The following NTNG2 variants were observed in gnomAD, a reference collection of about 807,000 sequenced individuals.
NTNG2 encodes the protein netrin-G2.
Under a neutral mutation model 47.6 loss-of-function variants are expected in NTNG2, and 15 were observed. That is an observed-to-expected ratio of 0.32 (90% CI 0.21 to 0.49). The LOEUF is 0.49. Among genes scored for constraint, NTNG2 ranks in the 20% least tolerant of loss-of-function variants. NTNG2 has a pLI of 0.99. For synonymous variants in NTNG2, 307 were observed against 324.6 expected (o/e 0.95, Z 0.58); for missense variants, 578 against 764.6 (o/e 0.76, Z 2.88).
intron 3 of NTNG2, among the ~76,000 whole-genome samples, chr9:132,210,675 G>A (rs10120195): frequency 0.088 from 13,329 of 152,208 alleles, 1,722 homozygotes; most frequent in African/African-American, 0.28. Context: ...CACCAGCTGC[G>A]ATTGGGCAGG....
In NTNG2 at chr9:132,244,287, G is replaced by A. The variant is rs1043611989; in HGVS notation, c.*2176G>A. On this transcript the variant is annotated 3_prime_UTR_variant, in exon 8 of 8. Transcript: ENST00000393229. ...AGGATAGTGAAGGGTGGAGCCGGGG[G>A]TGGAAGTTGCAGAGCCTGGGACACC... 3.9e-5 allele frequency: 6 copies of A among 152,232 alleles called. No homozygotes were observed. Among genetic ancestry groups the A allele is most frequent in the African/African-American group, 1.4e-4 (6 of 41,414 alleles). 9.4% of individuals were successfully genotyped at this position (152,232 alleles called of 1,614,324 possible).
chr9:132,198,525 G>C lies in NTNG2; in HGVS notation c.773G>C (p.Arg258Pro), dbSNP rs773543893. The part of the protein sequence containing the change: ...TLTDLRMRLL[R>P]PALGGTYVQR... Reference sequence around the variant, plus strand: ...ACCGACCTGCGCATGCGGCTGCTGCGCCCGGCGCTGGGCGGCACCTATGTG... The same window carrying C: ...ACCGACCTGCGCATGCGGCTGCTGCCCCCGGCGCTGGGCGGCACCTATGTG... The change falls in exon 3 of 8, where the codon CGC becomes CCC. Residue 258 changes from arginine (R) to proline (P), a missense_variant. Physicochemically the swap from Arg to Pro is moderately radical, Grantham distance 103. Coordinates refer to ENST00000393229, the MANE Select transcript of NTNG2 (RefSeq NM_032536.4). The C allele has an allele frequency of 6.2e-7, 1 of 1,612,966 alleles. No homozygotes were observed. Among genetic ancestry groups the C allele is most frequent in the African/African-American group, 1.3e-5 (1 of 74,940 alleles).
At position 132,180,427 on chromosome 9, in the gene NTNG2, A is replaced by C. The variant is rs10116759; in HGVS notation, c.213+13383A>C. Among the ~76,000 whole-genome samples the C allele has an allele frequency of 0.24, 36,008 of 152,128 alleles. 4,475 individuals carry two copies. Among genetic ancestry groups the C allele is most frequent in the African/African-American group, 0.3 (12,359 of 41,504 alleles). On this transcript the variant is annotated intron_variant, in intron 2 of 7. Transcript: ENST00000393229. The surrounding 1 kb of genome is among the most constrained non-coding windows in gnomAD (Gnocchi z 4.2). ...GTGGCAGCAAGTGGAGAAGGCTGTT[A>C]ATCCAGAACGCACCTTGTCTCTGCC...
chr9:132,202,420 C>T lies in NTNG2; in HGVS notation c.857+3811C>T, dbSNP rs556033664. Among the ~76,000 whole-genome samples the T allele has an allele frequency of 1.4e-4, 22 of 152,266 alleles. No homozygotes were observed. In the South Asian group the frequency reaches 3.7e-3, roughly 26 times the overall value. On this transcript the variant is annotated intron_variant, in intron 3 of 7. Coordinates refer to ENST00000393229, the MANE Select transcript of NTNG2 (RefSeq NM_032536.4). Reference sequence around the variant, plus strand: ...GCCCCACAGGGGGCAGGTGGGCTGCCGGTGGCTCTGAGAGAAGCACAGGCA... The same window carrying T: ...GCCCCACAGGGGGCAGGTGGGCTGCTGGTGGCTCTGAGAGAAGCACAGGCA...
At chr9:132,206,272 G>A (rs1017402467) in intron 3 of NTNG2, among the ~76,000 whole-genome samples, 11 of 152,216 alleles carry the variant, frequency 7.2e-5, no homozygotes, top group Non-Finnish European at 1.3e-4. Flanking sequence ...CAGTTGGTGA[G>A]AGCCCCTAGT....
At chr9:132,210,220 T>G (rs1839490200) in intron 3 of NTNG2, among the ~76,000 whole-genome samples, 1 of 152,096 alleles carries the variant, frequency 6.6e-6, no homozygotes, top group Non-Finnish European at 1.5e-5. Context: ...GCAAGTCTCT[T>G]CCATTTCTCC....
chr9:132,212,810 T>C (rs1158772743), intron 3 of NTNG2, among the ~76,000 whole-genome samples: 1 of 152,176 alleles, frequency 6.6e-6, no homozygotes, highest in East Asian at 1.9e-4. Flanking sequence ...TGTCCCCTGG[T>C]CACTTGTCAC....
chr9:132,184,999 A>T (rs991731966), intron 2 of NTNG2, among the ~76,000 whole-genome samples: 1 of 152,130 alleles, frequency 6.6e-6, no homozygotes, highest in Non-Finnish European at 1.5e-5. Flanking sequence ...TGGACTTAAG[A>T]AGGGGAAGGC....
Position 132,244,186 on chromosome 9 carries a change from T to C in NTNG2, c.*2075T>C, listed in dbSNP as rs1842138408. 1 of 152,088 alleles carries C rather than the reference T, an allele frequency of 6.6e-6. No homozygotes were observed. Among genetic ancestry groups the C allele is most frequent in the Non-Finnish European group, 1.5e-5 (1 of 68,028 alleles). 9.4% of individuals were successfully genotyped at this position (152,088 alleles called of 1,614,324 possible). On this transcript the variant is annotated 3_prime_UTR_variant, in exon 8 of 8. Coordinates refer to ENST00000393229, the MANE Select transcript of NTNG2 (RefSeq NM_032536.4). ...TTGTGGCTCTGGTTTTTCTCTCTCA[T>C]CCCTCCCTCTGCTCTTCAGTCAGCA...
intron 2 of NTNG2, among the ~76,000 whole-genome samples, chr9:132,195,616 C>T (rs1178916308): frequency 1.5e-4 from 22 of 151,690 alleles, no homozygotes; most frequent in Admixed American, 1.4e-3. Context: ...CGTGAGCCAC[C>T]GCGCCTGGCC....
At chr9:132,202,755 A>G (rs1838871898) in intron 3 of NTNG2, among the ~76,000 whole-genome samples, 1 of 152,134 alleles carries the variant, frequency 6.6e-6, no homozygotes, top group African/African-American at 2.4e-5. Context: ...AGAACCATTT[A>G]AGACAGGGTT....
At chr9:132,168,073 C>T (rs553997911) in intron 2 of NTNG2, among the ~76,000 whole-genome samples, 3 of 152,326 alleles carry the variant, frequency 2.0e-5, no homozygotes, top group Admixed American at 1.3e-4. Context: ...AGATGTTAGC[C>T]GTTGTCATTC....
chr9:132,191,766 G>A (rs1380603530), intron 2 of NTNG2, among the ~76,000 whole-genome samples: 1 of 152,070 alleles, frequency 6.6e-6, no homozygotes, highest in African/African-American at 2.4e-5. Flanking sequence ...TAGAGACGGG[G>A]TTTCACTGTG....
chr9:132,200,468 G>A (rs866700926), intron 3 of NTNG2, among the ~76,000 whole-genome samples: 5 of 152,212 alleles, frequency 3.3e-5, no homozygotes, highest in South Asian at 2.1e-4. Flanking sequence ...TCATTTCTGC[G>A]TCTTGAACAG....
intron 2 of NTNG2, among the ~76,000 whole-genome samples, chr9:132,170,488 C>T (rs561339988): frequency 1.3e-4 from 20 of 152,168 alleles, no homozygotes; most frequent in Admixed American, 9.2e-4. Flanking sequence ...GGAAGGGCGA[C>T]GGGCAAAGGC....
chr9:132,198,602 A>G lies in NTNG2; in HGVS notation c.850A>G (p.Ile284Val). ...CTACGCCATCTCCAACATCGAGGTCATCGGCAGGTAAGGCCGGGGGAAGCC... is the reference window on the plus strand; with the variant it reads ...CTACGCCATCTCCAACATCGAGGTCGTCGGCAGGTAAGGCCGGGGGAAGCC... ...YFYAISNIEVIGRCKCNLHAN... is the reference protein window; with the variant it reads ...YFYAISNIEVVGRCKCNLHAN... The change falls in exon 3 of 8, where the codon ATC becomes GTC. Residue 284 changes from isoleucine to valine, a missense_variant. Ile to Val is a conservative substitution (Grantham distance 29, BLOSUM62 3). Transcript: ENST00000393229. 2 of 1,606,122 alleles carry G rather than the reference A, an allele frequency of 1.2e-6. No homozygotes were observed. Among genetic ancestry groups the G allele is most frequent in the Non-Finnish European group, 1.7e-6 (2 of 1,174,252 alleles).
In NTNG2 at chr9:132,198,229, C is replaced by T. The variant is rs1420088696; in HGVS notation, c.477C>T (p.Arg159=). 1.9e-6 allele frequency: 3 copies of T among 1,613,190 alleles called. No individual in the cohort carries two copies. Among genetic ancestry groups the T allele is most frequent in the African/African-American group, 2.7e-5 (2 of 74,950 alleles). The change falls in exon 3 of 8, where the codon CGC becomes CGT. Residue 159 remains arginine (R), a synonymous_variant. Transcript: ENST00000393229. ...TGGAGAAGTCCCTGGACAACGGGCG[C>T]ACCTGGCAGCCCTACCAGTTCTACG... The part of the protein sequence containing the change: ...MVLEKSLDNG[R]TWQPYQFYAE...
chr9:132,198,496 C>G lies in NTNG2; in HGVS notation c.744C>G (p.Thr248=), dbSNP rs144651817. 189 of 1,610,276 alleles carry G rather than the reference C, an allele frequency of 1.2e-4. 2 individuals are homozygous for G. The South Asian group carries it at 1.5e-3, about 13-fold the overall frequency. Residue 248 remains threonine, a synonymous_variant, in exon 3 of 8, where the codon ACC becomes ACG. Coordinates refer to ENST00000393229, the MANE Select transcript of NTNG2 (RefSeq NM_032536.4). ...CCAAGGGCCTCAAGGAGTTCTTCAC[C>G]CTCACCGACCTGCGCATGCGGCTGC... is the stretch of plus-strand genomic sequence containing the variant. The part of the protein sequence containing the change: ...ESAKGLKEFF[T]LTDLRMRLLR...
At chr9:132,194,584 A>T (rs543152159) in intron 2 of NTNG2, among the ~76,000 whole-genome samples, 18 of 150,980 alleles carry the variant, frequency 1.2e-4, no homozygotes, top group Admixed American at 1.1e-3. Flanking sequence ...ATAACAGCAG[A>T]CTCCTCCTCA....
Sources: allele counts gnomAD v4.1 joint callset (sites outside exome capture counted in the v4.1 genomes callset), GRCh38; gene constraint gnomAD v4.1.1; non-coding constraint Gnocchi (gnomAD v3.1); transcripts MANE v1.5; gene names NCBI Gene and HGNC (gene_info 2026-07-23, HGNC 2026-07-21).